The following TRPC5OS variants were observed in gnomAD, a reference collection of about 807,000 sequenced individuals.
TRPC5OS encodes putative uncharacterized protein TRPC5OS.
For missense variants in TRPC5OS, 64 were observed against 79.3 expected, an observed-to-expected ratio of 0.81 and a Z score of 0.73; for synonymous variants, 30 against 29.3, an observed-to-expected ratio of 1.02 and a Z score of -0.08.
chrX:111,878,950 T>C (rs1283308453), intron 1 of TRPC5OS, among the ~76,000 whole-genome samples: 1 of 112,000 alleles, frequency 8.9e-6, no homozygotes, highest in African/African-American at 3.3e-5. Context: ...AATGGCTCCA[T>C]ACTTGCACTT....
intron 1 of TRPC5OS, among the ~76,000 whole-genome samples, chrX:111,876,649 A>T (rs1466040301): frequency 9.0e-6 from 1 of 111,413 alleles, no homozygotes; most frequent in African/African-American, 3.3e-5. Context: ...GTTTAATATG[A>T]CTTCCAGATG....
At chrX:111,878,054 G>C (rs1924039387) in intron 1 of TRPC5OS, among the ~76,000 whole-genome samples, 1 of 111,091 alleles carries the variant, frequency 9.0e-6, no homozygotes, top group Admixed American at 9.6e-5. Flanking sequence ...AGCAAGCTTA[G>C]ATTCATCTTT....
At chrX:111,879,486 C>G (rs1186302013) in intron 1 of TRPC5OS, among the ~76,000 whole-genome samples, 1 of 112,131 alleles carries the variant, frequency 8.9e-6, no homozygotes, top group African/African-American at 3.2e-5. Flanking sequence ...CTTGCTATTG[C>G]CCTTGAATCT....
Position 111,901,936 on chromosome X carries a change from A to G in TRPC5OS, c.87A>G (p.Gln29=). ...QLIRIADELL[Q]FILQVQEVPY... is the part of the protein sequence containing the mutation. The stretch of plus-strand genomic sequence containing the variant: ...TAAGAATAGCTGATGAGCTTTTACA[A>G]TTCATTCTACAAGTACAAGAAGTTC... Residue 29 remains glutamine (Q), a synonymous_variant, in exon 4 of 4, where the codon CAA becomes CAG. Transcript: ENST00000635763. 1 of 1,154,885 alleles carries G rather than the reference A, an allele frequency of 8.7e-7. No homozygotes were observed. Among genetic ancestry groups the G allele is most frequent in the Non-Finnish European group, 1.1e-6 (1 of 872,155 alleles).
rs1209284251 is a variant in TRPC5OS at position 111,901,681 on chromosome X, A to G, written c.-169A>G. On this transcript the variant is annotated 5_prime_UTR_variant, in exon 4 of 4. Coordinates refer to ENST00000635763, the MANE Select transcript of TRPC5OS (RefSeq NM_001195578.2). ...CATCATCAAAAAGTTATATTGTTCT[A>G]CTGTTCTCATTCTTTACTTGATCAC... The G allele has an allele frequency of 5.1e-6, 2 of 392,193 alleles. No homozygotes were observed. Among genetic ancestry groups the G allele is most frequent in the Non-Finnish European group, 4.3e-6 (1 of 230,225 alleles). The allele number at this position is 392,193 out of a possible 1,213,427, so 32.3% of individuals were successfully genotyped here.
At chrX:111,887,605 C>A (rs1924571949) in intron 1 of TRPC5OS, among the ~76,000 whole-genome samples, 1 of 112,075 alleles carries the variant, frequency 8.9e-6, no homozygotes, top group Admixed American at 9.5e-5. Context: ...CATTTTACTA[C>A]TCTGGATTTT....
At chrX:111,876,334 T>A (rs1923941502) in intron 1 of TRPC5OS, 61 bp downstream of exon 1, 1 of 111,531 alleles carries the variant, frequency 9.0e-6, no homozygotes, top group African/African-American at 3.3e-5. Context: ...AGAGGATAGG[T>A]AAGTTTTCCT....
chrX:111,897,836 A>G (rs760581840), intron 3 of TRPC5OS, among the ~76,000 whole-genome samples: 1 of 111,526 alleles, frequency 9.0e-6, no homozygotes, highest in Non-Finnish European at 1.9e-5. Flanking sequence ...TACAACTTCT[A>G]TAGCTATTCT....
At chrX:111,877,677 G>A (rs760854370) in intron 1 of TRPC5OS, among the ~76,000 whole-genome samples, 2 of 111,156 alleles carry the variant, frequency 1.8e-5, no homozygotes, top group African/African-American at 3.3e-5. Context: ...TGCATAGCAT[G>A]AGATTGTAAC....
At chrX:111,891,324 C>T (rs1223340282) in intron 1 of TRPC5OS, among the ~76,000 whole-genome samples, 2 of 111,623 alleles carry the variant, frequency 1.8e-5, no homozygotes, top group African/African-American at 6.5e-5. Context: ...CTGATTTACA[C>T]TCATACTAAC....
chrX:111,882,324 T>C lies in TRPC5OS; in HGVS notation c.-546+6051T>C, dbSNP rs1247815532. ...CTGGCTGCAAAGAGCCTACAAGCAG[T>C]CTGTTTCCTGTTGCAGTATGGTAAG... On this transcript the variant is annotated intron_variant, in intron 1 of 3. Coordinates refer to ENST00000635763, the MANE Select transcript of TRPC5OS (RefSeq NM_001195578.2). Among the ~76,000 whole-genome samples, 5 of 112,283 alleles carry C rather than the reference T, an allele frequency of 4.5e-5. No individual in the cohort carries two copies. The East Asian group carries it at 1.4e-3, about 32-fold the overall frequency.
intron 1 of TRPC5OS, among the ~76,000 whole-genome samples, chrX:111,880,483 G>A (rs1454845555): frequency 8.9e-6 from 1 of 112,393 alleles, no homozygotes; most frequent in Non-Finnish European, 1.9e-5. Flanking sequence ...ACTGTCCTGT[G>A]AACAGAGCTG....
chrX:111,901,907 T>C lies in TRPC5OS; in HGVS notation c.58T>C (p.Leu20=). The C allele has an allele frequency of 8.7e-7, 1 of 1,153,849 alleles. No homozygotes were observed. Among genetic ancestry groups the C allele is most frequent in the Non-Finnish European group, 1.1e-6 (1 of 871,878 alleles). The change falls in exon 4 of 4, where the codon TTA becomes CTA. Residue 20 remains leucine, a synonymous_variant. Transcript: ENST00000635763. ...IDGLVACVAQ[L]IRIADELLQF... ...TGGACTTGTTGCTTGTGTAGCCCAG[T>C]TAATAAGAATAGCTGATGAGCTTTT...
intron 1 of TRPC5OS, among the ~76,000 whole-genome samples, chrX:111,887,088 C>T (rs1924541134): frequency 8.9e-6 from 1 of 112,409 alleles, no homozygotes; most frequent in Non-Finnish European, 1.9e-5. Flanking sequence ...CAGTTAGTGG[C>T]TTAGATGGTG....
chrX:111,896,703 G>C (rs1208581178), intron 3 of TRPC5OS, among the ~76,000 whole-genome samples: 8 of 111,782 alleles, frequency 7.2e-5, no homozygotes, highest in African/African-American at 9.8e-5. Context: ...AGGAGAATGA[G>C]ATGTCAGCTC....
chrX:111,894,119 C>T (rs2148609182), intron 1 of TRPC5OS, among the ~76,000 whole-genome samples: 1 of 111,272 alleles, frequency 9.0e-6, no homozygotes, highest in African/African-American at 3.3e-5. Context: ...AATCTGGCAC[C>T]CACCCTCACC....
rs1483060568 is a variant in TRPC5OS, at chrX:111,903,102, C to T, written c.*917C>T. 9.0e-6 allele frequency: 1 copy of T among 111,459 alleles called. No individual in the cohort carries two copies. Among genetic ancestry groups the T allele is most frequent in the Non-Finnish European group, 1.9e-5 (1 of 53,020 alleles). The allele number at this position is 111,459 out of a possible 1,213,427, so 9.2% of individuals were successfully genotyped here. On this transcript the variant is annotated 3_prime_UTR_variant, in exon 4 of 4. Coordinates refer to ENST00000635763, the MANE Select transcript of TRPC5OS (RefSeq NM_001195578.2). ...TGGCTGGACCCTTGTTTTCCTGGGTCACCTGAACAGATTGTACTGTAATGG... is the reference window on the plus strand; with the variant it reads ...TGGCTGGACCCTTGTTTTCCTGGGTTACCTGAACAGATTGTACTGTAATGG...
At chrX:111,878,573 C>T (rs1924063863) in intron 1 of TRPC5OS, among the ~76,000 whole-genome samples, 1 of 111,717 alleles carries the variant, frequency 9.0e-6, no homozygotes, top group African/African-American at 3.3e-5. Flanking sequence ...GGAGACTGTT[C>T]TGTGTACTGT....
chrX:111,898,581 C>T (rs1925184330), intron 3 of TRPC5OS, among the ~76,000 whole-genome samples: 1 of 110,026 alleles, frequency 9.1e-6, no homozygotes, highest in Admixed American at 9.8e-5. Context: ...ACTATGCTGG[C>T]AAGCACTCTT....
Sources: gnomAD v4.1 joint callset for allele counts (sites outside exome capture counted in the v4.1 genomes callset) on GRCh38, gnomAD v4.1.1 for gene constraint, MANE v1.5 for transcripts, NCBI Gene and HGNC (gene_info 2026-07-23, HGNC 2026-07-21) for gene names.